Variants in MED26 observed in about 807,000 individuals in gnomAD.
The protein encoded by MED26 is mediator of RNA polymerase II transcription subunit 26.
A neutral mutation model predicts 43.7 loss-of-function variants in MED26; 7 were observed. The observed-to-expected ratio is 0.16, with a 90% CI of 0.09 to 0.30. The LOEUF (loss-of-function observed/expected upper bound fraction) is 0.30. MED26 is among the 10% of genes least tolerant of loss of function. The pLI, the probability that MED26 is intolerant of heterozygous loss-of-function variation, is 1.00. For missense variants in MED26, 784 were observed against 840.6 expected (o/e 0.93, Z 0.83); for synonymous variants, 375 against 371.1 (o/e 1.01, Z -0.12).
chr19:16,626,591 T>C (rs1210600227), intron 1 of MED26, among the ~76,000 whole-genome samples: 1 of 152,116 alleles, frequency 6.6e-6, no homozygotes, highest in East Asian at 1.9e-4. Flanking sequence ...TAACCAAAAA[T>C]TGTATAAGCC....
At chr19:16,619,214 T>A (rs1274126359) in intron 1 of MED26, among the ~76,000 whole-genome samples, 2 of 152,210 alleles carry the variant, frequency 1.3e-5, no homozygotes, top group African/African-American at 2.4e-5. Context: ...TCCCTTCACA[T>A]CAGTATCACG....
chr19:16,597,163 G>A (rs910151092), intron 1 of MED26, among the ~76,000 whole-genome samples: 3 of 152,166 alleles, frequency 2.0e-5, no homozygotes, highest in Non-Finnish European at 2.9e-5. Flanking sequence ...TCTGGGACAC[G>A]GGTACAGTAC....
chr19:16,591,382 C>T (rs1293498052), intron 1 of MED26, among the ~76,000 whole-genome samples: 1 of 152,180 alleles, frequency 6.6e-6, no homozygotes, highest in Non-Finnish European at 1.5e-5. Context: ...CAGACTCCTG[C>T]AGGCATCAGT....
rs2086012736 is a variant in MED26, at chr19:16,577,202, C to G, written c.628G>C (p.Glu210Gln). 6.2e-7 allele frequency: 1 copy of G among 1,613,308 alleles called. No individual in the cohort carries two copies. The highest frequency in any genetic ancestry group is 1.3e-5 in the African/African-American group (1 of 75,052). Residue 210 changes from glutamate (E) to glutamine (Q), a missense_variant, in exon 3 of 3, where the codon GAG becomes CAG. By Grantham distance (29) the Glu-to-Gln change is conservative. This residue lies in a region of MED26 where 719 missense variants were observed against 730.9 expected (regional missense o/e 0.98). Transcript: ENST00000263390. This position sits in a 1 kb window ranked among gnomAD's most constrained non-coding sequence, Gnocchi z 8.1. ...CTGTGCTTGTCATTCTCGTCACGCT[C>G]CAGGCGGCTGCCCTCTGGGCCTGCA... Reference protein sequence around the residue: ...GHAGPEGSRLERDENDKHSGK... With the variant: ...GHAGPEGSRLQRDENDKHSGK...
At chr19:16,621,424 C>G (rs2086251114) in intron 1 of MED26, among the ~76,000 whole-genome samples, 1 of 152,178 alleles carries the variant, frequency 6.6e-6, no homozygotes, top group Non-Finnish European at 1.5e-5. Flanking sequence ...GGAGACCGAG[C>G]CTAACTCTGC....
intron 1 of MED26, among the ~76,000 whole-genome samples, chr19:16,591,575 T>TAC (rs1274662814): frequency 1.3e-5 from 2 of 152,220 alleles, no homozygotes; most frequent in African/African-American, 4.8e-5. Context: ...AGGCTGAACT[T>TAC]ACACACACAC....
intron 1 of MED26, among the ~76,000 whole-genome samples, chr19:16,591,321 G>A (rs116993383): frequency 3.3e-5 from 5 of 152,132 alleles, no homozygotes; most frequent in South Asian, 4.1e-4. Context: ...GGGACTGTAA[G>A]GACTGAAAGA....
intron 1 of MED26, among the ~76,000 whole-genome samples, chr19:16,613,616 G>T (rs73516952): frequency 1.3e-3 from 196 of 152,294 alleles, no homozygotes; most frequent in African/African-American, 4.6e-3. Flanking sequence ...GAAAGCAAAG[G>T]CTCTGAGGGC....
At chr19:16,603,009 AC>A (rs1337488803) in intron 1 of MED26, among the ~76,000 whole-genome samples, 1 of 152,154 alleles carries the variant, frequency 6.6e-6, no homozygotes, top group East Asian at 1.9e-4. Context: ...TACAATTAAA[AC>A]AAAAACAAAA....
intron 1 of MED26, among the ~76,000 whole-genome samples, chr19:16,594,200 C>A (rs2086110342): frequency 6.6e-6 from 1 of 152,254 alleles, no homozygotes; most frequent in Non-Finnish European, 1.5e-5. Flanking sequence ...CCTGTGTTAT[C>A]TGCTGGCTAC....
At chr19:16,617,886 C>T (rs751185243) in intron 1 of MED26, among the ~76,000 whole-genome samples, 8 of 152,148 alleles carry the variant, frequency 5.3e-5, no homozygotes, top group East Asian at 1.9e-4. Flanking sequence ...CCCTCACAGA[C>T]GAGCTGAGAC....
At chr19:16,583,503 TG>T (rs1431363056) in intron 1 of MED26, among the ~76,000 whole-genome samples, 4 of 147,278 alleles carry the variant, frequency 2.7e-5, no homozygotes, top group Admixed American at 6.7e-5. Flanking sequence ...GCAAGGGTGT[TG>T]GGTGGGGGTG....
intron 2 of MED26, 84 bp downstream of exon 2, chr19:16,578,251 C>T (rs1457557559): frequency 7.8e-7 from 1 of 1,274,414 alleles, no homozygotes; most frequent in Non-Finnish European, 1.1e-6. Context: ...CACTGATGCT[C>T]CCAGAAGCTG....
At position 16,577,458 on chromosome 19, in the gene MED26, G is replaced by C; in HGVS notation, c.372C>G (p.Ile124Met). 2.1e-5 allele frequency: 33 copies of C among 1,592,438 alleles called. No individual in the cohort carries two copies. The highest frequency in any genetic ancestry group is 2.7e-5 in the Non-Finnish European group (32 of 1,166,576). ...GGTCATTGCGGCTCTTCAGGTCATG[G>C]ATGCTCCTGGGTGGGCCAGCCGCCC... ...EVGAAGPPRS[I>M]HDLKSRNDLQ... Residue 124 changes from isoleucine (I) to methionine (M), a missense_variant, in exon 3 of 3, where the codon ATC becomes ATG. Around this residue, in one of 3 missense-constraint regions of MED26, gnomAD observed 719 missense variants for 730.9 expected, o/e 0.98. Transcript: ENST00000263390. This position sits in a 1 kb window ranked among gnomAD's most constrained non-coding sequence, Gnocchi z 8.1.
intron 1 of MED26, among the ~76,000 whole-genome samples, chr19:16,602,628 G>A (rs1445770420): frequency 6.6e-6 from 1 of 152,228 alleles, no homozygotes; most frequent in African/African-American, 2.4e-5. Context: ...AATAAGCCAA[G>A]TGTGATATAT....
chr19:16,598,870 A>G (rs1236854048), intron 1 of MED26, among the ~76,000 whole-genome samples: 1 of 152,232 alleles, frequency 6.6e-6, no homozygotes, highest in Non-Finnish European at 1.5e-5. Context: ...GAAAACCAGG[A>G]GAATGTTGCT....
At position 16,576,384 on chromosome 19, in the gene MED26, G is replaced by C; in HGVS notation, c.1446C>G (p.Arg482=). 2 of 1,614,146 alleles carry C rather than the reference G, an allele frequency of 1.2e-6. No individual in the cohort carries two copies. The highest frequency in any genetic ancestry group is 1.7e-6 in the Non-Finnish European group (2 of 1,180,036). The part of the protein sequence containing the change: ...FEQTNWKELS[R]NEIIQSYLSR... ...TCAGGTAGGACTGGATGATCTCGTTGCGTGACAGCTCCTTCCAGTTCGTCT... is the reference window on the plus strand; with the variant it reads ...TCAGGTAGGACTGGATGATCTCGTTCCGTGACAGCTCCTTCCAGTTCGTCT... The change falls in exon 3 of 3, where the codon CGC becomes CGG. Residue 482 remains arginine (R), a synonymous_variant. Coordinates refer to ENST00000263390, the MANE Select transcript of MED26 (RefSeq NM_004831.5). This position sits in a 1 kb window ranked among gnomAD's most constrained non-coding sequence, Gnocchi z 6.8.
rs769837121 is a variant in MED26 at position 16,576,330 on chromosome 19, C to G, written c.1500G>C (p.Ser500=). 6.8e-6 allele frequency: 11 copies of G among 1,613,682 alleles called. No homozygotes were observed. The highest frequency in any genetic ancestry group is 8.5e-6 in the Non-Finnish European group (10 of 1,180,030). The change falls in exon 3 of 3, where the codon TCG becomes TCC. Residue 500 remains serine, a synonymous_variant. Coordinates refer to ENST00000263390, the MANE Select transcript of MED26 (RefSeq NM_004831.5). The surrounding 1 kb of genome is among the most constrained non-coding windows in gnomAD (Gnocchi z 6.8). ...GGTGAGCCCCTGGGGTCTGCGCGCCCGATGATGAGAGCAGGCTGCTCTGCC... is the reference window on the plus strand; with the variant it reads ...GGTGAGCCCCTGGGGTCTGCGCGCCGGATGATGAGAGCAGGCTGCTCTGCC... ...LSRQSSLLSS[S]GAQTPGAHHF...
At chr19:16,596,681 G>C (rs2086121293) in intron 1 of MED26, among the ~76,000 whole-genome samples, 2 of 152,198 alleles carry the variant, frequency 1.3e-5, no homozygotes, top group African/African-American at 4.8e-5. Context: ...GGTTGAAGTG[G>C]AAGAGGCAAG....
Sources: gnomAD v4.1 joint callset for allele counts (sites outside exome capture counted in the v4.1 genomes callset) on GRCh38, gnomAD v4.1.1 for gene constraint, gnomAD v4.1.1 regional missense constraint, Gnocchi (gnomAD v3.1) non-coding constraint, MANE v1.5 for transcripts, NCBI Gene and HGNC (gene_info 2026-07-23, HGNC 2026-07-21) for gene names.